Variants in COQ8B observed in about 807,000 individuals in gnomAD.
COQ8B encodes the protein atypical kinase COQ8B, mitochondrial.
Under a neutral mutation model 62.0 loss-of-function variants are expected in COQ8B, and 44 were observed. The observed-to-expected ratio is 0.71, with a 90% CI of 0.56 to 0.91. The LOEUF is 0.91. Among genes scored for constraint, COQ8B ranks in the 40% least tolerant of loss-of-function variants. The probability of loss-of-function intolerance (pLI) is 0.00; values close to 1 mark genes in which losing one functional copy is unlikely to be tolerated. For synonymous variants in COQ8B, 252 were observed against 289.9 expected (o/e 0.87, Z 1.33); for missense variants, 649 against 731.6 (o/e 0.89, Z 1.30).
At chr19:40,710,018 G>A (rs1488926206) in intron 5 of COQ8B, 41 bp downstream of exon 5, 11 of 1,606,850 alleles carry the variant, frequency 6.8e-6, no homozygotes, top group Non-Finnish European at 9.4e-6. Flanking sequence ...AGGTCACACA[G>A]CAAAGCCAGG....
At chr19:40,711,153 G>A (rs2144713709) in intron 4 of COQ8B, among the ~76,000 whole-genome samples, 1 of 148,268 alleles carries the variant, frequency 6.7e-6, no homozygotes, top group Admixed American at 6.7e-5. Context: ...AAAAAAGAAG[G>A]CCCCGAAACA....
chr19:40,701,320 C>A (rs1222795553), intron 10 of COQ8B: 1 of 152,094 alleles, frequency 6.6e-6, no homozygotes, highest in Non-Finnish European at 1.5e-5. Flanking sequence ...CAGAGCGAGA[C>A]CCTGTCTCAA....
intron 5 of COQ8B, among the ~76,000 whole-genome samples, chr19:40,706,625 A>G (rs1447833785): frequency 6.6e-6 from 1 of 152,116 alleles, no homozygotes; most frequent in Non-Finnish European, 1.5e-5. Flanking sequence ...ATGCTTGGCT[A>G]ATATTTTTAC....
At chr19:40,692,438 C>G in intron 14 of COQ8B, 65 bp from the exon 15 acceptor site, 1 of 1,447,346 alleles carries the variant, frequency 6.9e-7, no homozygotes, top group Non-Finnish European at 9.5e-7. Context: ...CTGCATAACC[C>G]AGAAACAACG....
In COQ8B at chr19:40,696,526, G is replaced by A. The variant is rs376000793; in HGVS notation, c.1144-472C>T. On this transcript the variant is annotated intron_variant, in intron 12 of 14. Coordinates refer to ENST00000324464, the MANE Select transcript of COQ8B (RefSeq NM_024876.4). ...CTAAAAATACAAAAATTAGCCAGGT[G>A]CGGTGGTGCGTGCCTGTAATCCCAG... Among the ~76,000 whole-genome samples the A allele has an allele frequency of 2.0e-4, 31 of 152,116 alleles. 1 individual carries two copies. In the South Asian group the frequency reaches 6.4e-3, roughly 32 times the overall value.
chr19:40,702,323 G>A (rs907683297), intron 10 of COQ8B, among the ~76,000 whole-genome samples: 23 of 105,598 alleles, frequency 2.2e-4, no homozygotes, highest in African/African-American at 9.0e-4. Context: ...GTGTGTCATT[G>A]TGTAATTAAT....
At chr19:40,697,849 TATAGAGAG>T in intron 12 of COQ8B, among the ~76,000 whole-genome samples, 1 of 60,708 alleles carries the variant, frequency 1.6e-5, no homozygotes, top group South Asian at 5.5e-4. Flanking sequence ...TATATATATA[TATAGAGAG>T]AGAGAGAGAG....
chr19:40,704,134 G>C, intron 7 of COQ8B: 2 of 318,424 alleles, frequency 6.3e-6, no homozygotes. Context: ...TTATAGTTAA[G>C]ACTCATAACA....
chr19:40,696,016 C>A lies in COQ8B; in HGVS notation c.1182G>T (p.Gly394=). ...CGATGTAATGGTCTGTGAACTCTGT[C>A]CCAAACTCCCGGCTTGCACCAAAGT... ...LLDFGASREF[G]TEFTDHYIEV... Residue 394 remains glycine (G), a synonymous_variant, in exon 13 of 15, where the codon GGG becomes GGT. Transcript: ENST00000324464. The A allele has an allele frequency of 1.2e-5, 20 of 1,614,160 alleles. No homozygotes were observed. The highest frequency in any genetic ancestry group is 1.7e-5 in the Non-Finnish European group (20 of 1,180,036).
At chr19:40,697,851 T>TATATAGAGAGAGAG (rs1446181673) in intron 12 of COQ8B, among the ~76,000 whole-genome samples, 2 of 54,724 alleles carry the variant, frequency 3.7e-5, no homozygotes, top group Non-Finnish European at 6.3e-5. Context: ...TATATATATA[T>TATATAGAGAGAGAG]AGAGAGAGAG....
rs1158367939 is a variant in COQ8B at position 40,694,875 on chromosome 19, T to G, written c.1209+1114A>C. Among the ~76,000 whole-genome samples the G allele has an allele frequency of 2.6e-5, 4 of 152,126 alleles. No individual in the cohort carries two copies. The East Asian group carries it at 7.7e-4, about 29-fold the overall frequency. On this transcript the variant is annotated intron_variant, in intron 13 of 14. Transcript: ENST00000324464. ...CCTCTGGGCTCACAGTGCCCTGCGC[T>G]TCCCCCATCCCAGCCCTGTCCATGC...
In COQ8B at chr19:40,705,568, T is replaced by C. The variant is rs2082094447; in HGVS notation, c.368-121A>G. 4.4e-6 allele frequency: 5 copies of C among 1,123,676 alleles called. No homozygotes were observed. The South Asian group carries it at 9.2e-5, about 21-fold the overall frequency. 69.6% of individuals were successfully genotyped at this position (1,123,676 alleles called of 1,614,324 possible). A position where few individuals can be genotyped will look rare whatever the true frequency, so the allele number is the denominator to read the frequency against. On this transcript the variant is annotated intron_variant, in intron 5 of 14. Transcript: ENST00000324464. ...CCCAGGCGGGATGAACACAGGAGTC[T>C]GAGACCAGTCTGGGCAACAGTGACA...
In COQ8B at chr19:40,705,148, A is replaced by G; in HGVS notation, c.524T>C (p.Ile175Thr). 6.2e-7 allele frequency: 1 copy of G among 1,613,506 alleles called. No individual in the cohort carries two copies. Among genetic ancestry groups the G allele is most frequent in the Non-Finnish European group, 8.5e-7 (1 of 1,179,792 alleles). Residue 175 changes from isoleucine (I) to threonine (T), a missense_variant, in exon 7 of 15, where the codon ATC becomes ACC. Ile to Thr is a moderately conservative substitution (Grantham distance 89). Coordinates refer to ENST00000324464, the MANE Select transcript of COQ8B (RefSeq NM_024876.4). ...GGCGCTCTGGCGGACCCGCTCAAAG[A>G]TGTGCTGCAGCTGAGGGCTGATGAA... is the stretch of plus-strand genomic sequence containing the variant. ...NSFISPQLQH[I>T]FERVRQSADF... is the part of the protein sequence containing the mutation.
Position 40,714,132 on chromosome 19 carries a change from A to T in COQ8B, c.224T>A (p.Leu75Gln), listed in dbSNP as rs1294177680. ...ARPRKTPRPQ[L>Q]SDRSRERKVP... The stretch of plus-strand genomic sequence containing the variant: ...CTTGCGTTCTCGAGAGCGGTCACTC[A>T]GCTGGGAAATGGGGACAAGGTCTGA... Residue 75 changes from leucine (L) to glutamine (Q), a missense_variant and splice_region_variant, in exon 4 of 15, where the codon CTG becomes CAG. Physicochemically the swap from Leu to Gln is moderately radical, Grantham distance 113. Transcript: ENST00000324464. 2 of 1,614,196 alleles carry T rather than the reference A, an allele frequency of 1.2e-6. No homozygotes were observed. The highest frequency in any genetic ancestry group is 1.7e-5 in the Admixed American group (1 of 60,022).
intron 2 of COQ8B, 61 bp from the exon 3 acceptor site, chr19:40,714,458 C>T: frequency 2.5e-6 from 4 of 1,613,032 alleles, no homozygotes; most frequent in Non-Finnish European, 3.4e-6. Flanking sequence ...CCTTCTGGAC[C>T]CCTCCTGTCC....
intron 4 of COQ8B, among the ~76,000 whole-genome samples, chr19:40,712,208 G>A (rs1264737395): frequency 1.3e-5 from 2 of 152,110 alleles, no homozygotes; most frequent in East Asian, 3.9e-4. Flanking sequence ...GGAGGCTGAG[G>A]CAGGTGGATC....
In COQ8B at chr19:40,703,375, A is replaced by G. The variant is rs545483907; in HGVS notation, c.799+166T>C. On this transcript the variant is annotated intron_variant, in intron 9 of 14. Coordinates refer to ENST00000324464, the MANE Select transcript of COQ8B (RefSeq NM_024876.4). ...CATAAGGCTTTTCCCACACCTGCTC[A>G]TGCTCCCTGGGCTCTCCCCGCCTTG... The G allele has an allele frequency of 5.5e-4, 379 of 688,678 alleles. 3 individuals carry two copies. In the African/African-American group the frequency reaches 5.8e-3, roughly 11 times the overall value. The allele number at this position is 688,678 out of a possible 1,614,324, so 42.7% of individuals were successfully genotyped here.
At chr19:40,715,170 T>C (rs1471206307) in intron 1 of COQ8B, 1 of 985,926 alleles carries the variant, frequency 1.0e-6, no homozygotes, top group African/African-American at 1.7e-5. Context: ...ACTCGCTGAC[T>C]GGCACGGAGT....
intron 1 of COQ8B, chr19:40,715,712 G>T: frequency 1.4e-6 from 1 of 728,466 alleles, no homozygotes; most frequent in Non-Finnish European, 1.7e-6. Flanking sequence ...CCCACCTGCG[G>T]AATGGTGCGA....
Sources: allele counts gnomAD v4.1 joint callset (sites outside exome capture counted in the v4.1 genomes callset), GRCh38; gene constraint gnomAD v4.1.1; transcripts MANE v1.5; gene names NCBI Gene and HGNC (gene_info 2026-07-23, HGNC 2026-07-21).